Variants in SBF2 observed in about 807,000 individuals in gnomAD.
The protein encoded by SBF2 is myotubularin-related protein 13.
SBF2 carries 112 observed loss-of-function variants against 225.2 expected under a neutral mutation model. That is an observed-to-expected ratio of 0.50 (90% CI 0.43 to 0.58). SBF2 has a LOEUF of 0.58. Among genes scored for constraint, SBF2 ranks in the 20% least tolerant of loss-of-function variants. The pLI, the probability that SBF2 is intolerant of heterozygous loss-of-function variation, is 0.00. For missense variants in SBF2, 1,996 were observed against 2,206.2 expected, an observed-to-expected ratio of 0.90 and a Z score of 1.91; for synonymous variants, 763 against 773.3, an observed-to-expected ratio of 0.99 and a Z score of 0.22.
intron 1 of SBF2, among the ~76,000 whole-genome samples, chr11:10,258,890 A>C (rs528081888): frequency 4.7e-4 from 71 of 152,318 alleles, no homozygotes; most frequent in African/African-American, 1.7e-3. Context: ...GAAATCACAA[A>C]GGAGTAAGAA....
intron 13 of SBF2, among the ~76,000 whole-genome samples, chr11:9,979,908 G>C (rs1278037105): frequency 6.7e-6 from 1 of 150,232 alleles, no homozygotes; most frequent in Admixed American, 6.7e-5. Flanking sequence ...CTCCTTGGCT[G>C]AACTCCTGGG....
At chr11:10,258,910 A>G (rs1004043286) in intron 1 of SBF2, among the ~76,000 whole-genome samples, 2 of 152,212 alleles carry the variant, frequency 1.3e-5, no homozygotes, top group African/African-American at 4.8e-5. Context: ...AACTACTAAT[A>G]AGCAAAGGAA....
intron 16 of SBF2, among the ~76,000 whole-genome samples, chr11:9,896,703 C>T (rs1334612086): frequency 2.7e-5 from 4 of 150,762 alleles, no homozygotes; most frequent in African/African-American, 9.7e-5. Context: ...GCAGGAGAAT[C>T]GCTTGAACCC....
At chr11:9,836,186 A>G (rs1365904179) in intron 26 of SBF2, among the ~76,000 whole-genome samples, 1 of 152,120 alleles carries the variant, frequency 6.6e-6, no homozygotes, top group Non-Finnish European at 1.5e-5. Flanking sequence ...ATCTTTCCCT[A>G]TACCTCAAGG....
At chr11:10,273,384 A>C (rs1334636093) in intron 1 of SBF2, among the ~76,000 whole-genome samples, 1 of 152,270 alleles carries the variant, frequency 6.6e-6, no homozygotes, top group Non-Finnish European at 1.5e-5. Flanking sequence ...CTAAGTAATA[A>C]AAATTGTATC....
At position 10,084,934 on chromosome 11, in the gene SBF2, G is replaced by A. The variant is rs141683195; in HGVS notation, c.142-41953C>T. On this transcript the variant is annotated intron_variant, in intron 2 of 39. Transcript: ENST00000256190. The stretch of plus-strand genomic sequence containing the variant: ...ATATATAGTGGAGACTCAGACAGGT[G>A]AGGAGCTATGGCGGGGGTAGCATGG... 5.0e-3 allele frequency among the ~76,000 whole-genome samples: 768 copies of A among 152,286 alleles called. 2 individuals carry two copies. The highest frequency in any genetic ancestry group is 7.7e-3 in the Non-Finnish European group (526 of 68,008).
intron 2 of SBF2, among the ~76,000 whole-genome samples, chr11:10,049,766 T>C (rs1949997104): frequency 6.6e-6 from 1 of 152,234 alleles, no homozygotes; most frequent in South Asian, 2.1e-4. Flanking sequence ...AACATGTAAC[T>C]ATCCTTGGCT....
intron 16 of SBF2, among the ~76,000 whole-genome samples, chr11:9,934,465 C>T (rs11524874): frequency 1.3e-5 from 2 of 152,200 alleles, no homozygotes; most frequent in African/African-American, 4.8e-5. Context: ...ATGAGGCCAA[C>T]ATCATCCTGA....
At chr11:10,285,862 C>T (rs1963728540) in intron 1 of SBF2, among the ~76,000 whole-genome samples, 1 of 151,918 alleles carries the variant, frequency 6.6e-6, no homozygotes, top group Non-Finnish European at 1.5e-5. Flanking sequence ...GTCAAACAAC[C>T]CAATAAAAAA....
chr11:10,256,122 A>C (rs556906134), intron 1 of SBF2, among the ~76,000 whole-genome samples: 1 of 152,218 alleles, frequency 6.6e-6, no homozygotes, highest in Non-Finnish European at 1.5e-5. Context: ...GGAATATGAA[A>C]ATATAAGAAA....
chr11:10,131,119 CAACT>C (rs1271516758), intron 2 of SBF2, among the ~76,000 whole-genome samples: 1 of 152,072 alleles, frequency 6.6e-6, no homozygotes, highest in Non-Finnish European at 1.5e-5. Context: ...TTTTCCAGAG[CAACT>C]ATACTATTTT....
chr11:10,173,743 G>T, intron 2 of SBF2, among the ~76,000 whole-genome samples: 1 of 150,334 alleles, frequency 6.7e-6, no homozygotes, highest in Non-Finnish European at 1.5e-5. Flanking sequence ...AGGAACCTCT[G>T]CAGACTTCAA....
At chr11:9,829,633 A>G (rs887469753) in intron 27 of SBF2, 137 bp from the exon 28 acceptor site, 5 of 752,276 alleles carry the variant, frequency 6.6e-6, no homozygotes, top group East Asian at 5.5e-5. Flanking sequence ...ACCCAAATAT[A>G]GAAACCAGCC....
chr11:9,943,182 T>C (rs971522547), intron 16 of SBF2, among the ~76,000 whole-genome samples: 2 of 152,146 alleles, frequency 1.3e-5, no homozygotes, highest in Non-Finnish European at 1.5e-5. Context: ...GGTTATTCAT[T>C]TGCAAAAAAT....
chr11:9,858,533 C>T, intron 17 of SBF2, 137 bp from the exon 18 acceptor site: 1 of 855,066 alleles, frequency 1.2e-6, no homozygotes, highest in East Asian at 2.6e-5. Context: ...ACAGGCTTAG[C>T]AATCAGCAAC....
intron 1 of SBF2, among the ~76,000 whole-genome samples, chr11:10,263,651 C>G (rs1196238097): frequency 6.6e-6 from 1 of 152,078 alleles, no homozygotes; most frequent in Non-Finnish European, 1.5e-5. Context: ...AAAATCTCTG[C>G]TGTACTTAAG....
At chr11:10,286,007 C>CT (rs1258814748) in intron 1 of SBF2, among the ~76,000 whole-genome samples, 1 of 151,954 alleles carries the variant, frequency 6.6e-6, no homozygotes, top group Non-Finnish European at 1.5e-5. Context: ...GAGAGTAGAT[C>CT]TTTTTTTTGG....
At chr11:10,008,309 G>T (rs1359594642) in intron 6 of SBF2, among the ~76,000 whole-genome samples, 1 of 152,094 alleles carries the variant, frequency 6.6e-6, no homozygotes, top group Non-Finnish European at 1.5e-5. Context: ...TACTAACCTA[G>T]ACCCAGAGAC....
At chr11:9,923,876 GC>G (rs1863824635) in intron 16 of SBF2, among the ~76,000 whole-genome samples, 1 of 124,728 alleles carries the variant, frequency 8.0e-6, no homozygotes, top group African/African-American at 3.1e-5. Context: ...AAAGTGTGAG[GC>G]AGAAAATTAG....
Sources: allele counts gnomAD v4.1 joint callset (sites outside exome capture counted in the v4.1 genomes callset), GRCh38; gene constraint gnomAD v4.1.1; transcripts MANE v1.5; gene names NCBI Gene and HGNC (gene_info 2026-07-23, HGNC 2026-07-21).